Variants in SNX6 observed in about 807,000 individuals in gnomAD.
The protein encoded by SNX6 is sorting nexin-6.
SNX6 carries 34 observed loss-of-function variants against 63.0 expected under a neutral mutation model. The observed-to-expected ratio is 0.54, with a 90% CI of 0.41 to 0.72. The LOEUF (loss-of-function observed/expected upper bound fraction) is 0.72. Among genes scored for constraint, SNX6 ranks in the 30% least tolerant of loss-of-function variants. The pLI is 0.00. For missense variants in SNX6, 398 were observed against 471.4 expected, an observed-to-expected ratio of 0.84 and a Z score of 1.44; for synonymous variants, 170 against 164.2, an observed-to-expected ratio of 1.04 and a Z score of -0.27.
At chr14:34,599,987 TCCAGTA>T (rs1882745649) in intron 6 of SNX6, among the ~76,000 whole-genome samples, 3 of 152,100 alleles carry the variant, frequency 2.0e-5, no homozygotes, top group African/African-American at 4.8e-5. Flanking sequence ...ACTCCTACTC[TCCAGTA>T]AAAGTCTTCA....
intron 13 of SNX6, among the ~76,000 whole-genome samples, chr14:34,566,427 G>A (rs1881185502): frequency 6.6e-6 from 1 of 152,052 alleles, no homozygotes. Flanking sequence ...TGGCCAGGCT[G>A]GTCTTGAACA....
chr14:34,621,985 T>C (rs552089297), intron 2 of SNX6, among the ~76,000 whole-genome samples: 1 of 124,912 alleles, frequency 8.0e-6, no homozygotes, highest in East Asian at 2.4e-4. Flanking sequence ...TGAGATGGAG[T>C]TTCACTCTTG....
intron 3 of SNX6, 76 bp downstream of exon 3, chr14:34,609,562 C>A: frequency 2.0e-5 from 13 of 651,850 alleles, no homozygotes; most frequent in South Asian, 5.5e-5. Flanking sequence ...ATGTTTAAAA[C>A]CCAAGTCTGG....
At chr14:34,605,437 T>C (rs769318321) in intron 5 of SNX6, 159 bp downstream of exon 5, 2 of 512,640 alleles carry the variant, frequency 3.9e-6, no homozygotes, top group Non-Finnish European at 3.3e-6. Flanking sequence ...GCTCTGATCA[T>C]GATCATTAAT....
At chr14:34,597,859 T>G (rs1882663753) in intron 6 of SNX6, among the ~76,000 whole-genome samples, 1 of 152,204 alleles carries the variant, frequency 6.6e-6, no homozygotes, top group African/African-American at 2.4e-5. Context: ...TCTCAAAGAT[T>G]CAGGTTCAGC....
intron 2 of SNX6, chr14:34,629,353 AAG>A: frequency 2.7e-6 from 1 of 367,046 alleles, no homozygotes. Flanking sequence ...AGAAAAAGTA[AAG>A]ATACCATGGG....
At chr14:34,592,050 A>G (rs1882414505) in intron 8 of SNX6, among the ~76,000 whole-genome samples, 1 of 152,208 alleles carries the variant, frequency 6.6e-6, no homozygotes, top group South Asian at 2.1e-4. Context: ...ATCAATTTTT[A>G]CTGTTTCATC....
At chr14:34,583,298 G>A (rs1882016198) in intron 9 of SNX6, among the ~76,000 whole-genome samples, 1 of 152,154 alleles carries the variant, frequency 6.6e-6, no homozygotes. Flanking sequence ...AACAGAGCGA[G>A]ACTCCGTCTC....
At chr14:34,571,306 G>A (rs992728414) in intron 11 of SNX6, among the ~76,000 whole-genome samples, 5 of 151,802 alleles carry the variant, frequency 3.3e-5, no homozygotes, top group Admixed American at 6.6e-5. Context: ...GGTGGTGGGC[G>A]CCTGCAGTGC....
In SNX6 at chr14:34,563,124, A is replaced by AT; in HGVS notation, c.1218dup (p.Ter407IlefsTer9). The AT allele has an allele frequency of 1.2e-6, 2 of 1,613,874 alleles. No homozygotes were observed. Among genetic ancestry groups the AT allele is most frequent in the Non-Finnish European group, 1.7e-6 (2 of 1,179,808 alleles). ...TTAACAGGAAGGCGGAGTGTGGCTT[A>AT]TGTGTCTCCATTTAACACTGCCAGG... On this transcript the variant is annotated frameshift_variant, in exon 14 of 14. Coordinates refer to ENST00000362031, the MANE Select transcript of SNX6 (RefSeq NM_152233.4). LOFTEE classifies it high-confidence loss of function.
At chr14:34,623,784 G>A (rs571098343) in intron 2 of SNX6, among the ~76,000 whole-genome samples, 54 of 152,324 alleles carry the variant, frequency 3.5e-4, no homozygotes, top group African/African-American at 1.1e-3. Flanking sequence ...GCAAGGCTAC[G>A]AGTACAGGAG....
chr14:34,583,080 G>C (rs929909779), intron 9 of SNX6, among the ~76,000 whole-genome samples: 14 of 152,214 alleles, frequency 9.2e-5, no homozygotes, highest in Non-Finnish European at 1.5e-5. Context: ...GCCGAGGTGG[G>C]AGGATCATGA....
Position 34,605,654 on chromosome 14 carries a change from C to G in SNX6, c.334G>C (p.Glu112Gln), listed in dbSNP as rs2092143811. 6.2e-7 allele frequency: 1 copy of G among 1,611,338 alleles called. No homozygotes were observed. The highest frequency in any genetic ancestry group is 8.5e-7 in the Non-Finnish European group (1 of 1,178,916). The change falls in exon 5 of 14, where the codon GAA (glutamate) becomes CAA (glutamine). Residue 112 changes from glutamate (E) to glutamine (Q), a missense_variant. Glu to Gln is a conservative substitution (Grantham distance 29, BLOSUM62 2). Transcript: ENST00000362031. Reference sequence around the variant, plus strand: ...TCCTTCGTCATTGACCCTTCTCCTTCACCAAGCTTCTGTAGTTTTTCCCTT... The same window carrying G: ...TCCTTCGTCATTGACCCTTCTCCTTGACCAAGCTTCTGTAGTTTTTCCCTT... ...ASREKLQKLG[E>Q]GEGSMTKEEF...
chr14:34,611,957 T>G (rs1284375701), intron 2 of SNX6, among the ~76,000 whole-genome samples: 5 of 151,962 alleles, frequency 3.3e-5, no homozygotes, highest in African/African-American at 1.2e-4. Flanking sequence ...TTTTTGTATT[T>G]TTTTAGTAGA....
intron 13 of SNX6, among the ~76,000 whole-genome samples, chr14:34,566,483 G>A (rs1463130194): frequency 1.3e-5 from 2 of 152,052 alleles, no homozygotes; most frequent in Admixed American, 6.6e-5. Flanking sequence ...CAAAGTGTTG[G>A]GATTACAGGC....
chr14:34,580,156 G>C (rs530177039), intron 10 of SNX6, among the ~76,000 whole-genome samples: 1 of 152,116 alleles, frequency 6.6e-6, no homozygotes, highest in African/African-American at 2.4e-5. Context: ...TCCAGCCTCC[G>C]GCCTGGGTGA....
At chr14:34,569,193 A>G in intron 11 of SNX6, 1 of 705,042 alleles carries the variant, frequency 1.4e-6, no homozygotes, top group South Asian at 1.5e-5. Flanking sequence ...TTTAAGTAAC[A>G]GCTTGATAGT....
intron 11 of SNX6, among the ~76,000 whole-genome samples, chr14:34,570,580 C>T (rs569022821): frequency 7.9e-5 from 12 of 151,946 alleles, no homozygotes; most frequent in Admixed American, 4.6e-4. Flanking sequence ...GCCACCATAC[C>T]TGGCTAATTT....
intron 2 of SNX6, among the ~76,000 whole-genome samples, chr14:34,613,865 C>A (rs1883323124): frequency 6.6e-6 from 1 of 150,482 alleles, no homozygotes; most frequent in Non-Finnish European, 1.5e-5. Context: ...TACCAGCACT[C>A]TGGGAGCCCG....
Sources: allele counts gnomAD v4.1 joint callset (sites outside exome capture counted in the v4.1 genomes callset), GRCh38; gene constraint gnomAD v4.1.1; transcripts MANE v1.5; gene names NCBI Gene and HGNC (gene_info 2026-07-23, HGNC 2026-07-21).